The following GRID1 variants were observed in gnomAD, a reference collection of about 807,000 sequenced individuals.
GRID1 encodes glutamate receptor ionotropic, delta-1.
Under a neutral mutation model 98.0 loss-of-function variants are expected in GRID1, and 28 were observed. The observed-to-expected ratio is 0.29, with a 90% CI of 0.21 to 0.39. GRID1 has a LOEUF of 0.39. GRID1 is among the 10% of genes least tolerant of loss of function. The pLI is 1.00. For synonymous variants in GRID1, 553 were observed against 538.5 expected (o/e 1.03, Z -0.37); for missense variants, 1,111 against 1,340.5 (o/e 0.83, Z 2.67).
chr10:85,761,777 G>A (rs1564582298), intron 8 of GRID1, among the ~76,000 whole-genome samples: 1 of 152,088 alleles, frequency 6.6e-6, no homozygotes, highest in Non-Finnish European at 1.5e-5. Context: ...TGGCCCCTCT[G>A]TCTGCCAGAC....
At chr10:85,825,889 T>C (rs1196038837) in intron 8 of GRID1, among the ~76,000 whole-genome samples, 1 of 151,670 alleles carries the variant, frequency 6.6e-6, no homozygotes, top group Non-Finnish European at 1.5e-5. Flanking sequence ...ATTTAAGTTA[T>C]GAAAGAGAAA....
intron 2 of GRID1, among the ~76,000 whole-genome samples, chr10:86,235,028 T>C (rs1846516023): frequency 6.6e-6 from 1 of 152,188 alleles, no homozygotes; most frequent in Non-Finnish European, 1.5e-5. Context: ...AGATAGACTT[T>C]TTCCCAAAGA....
intron 12 of GRID1, among the ~76,000 whole-genome samples, chr10:85,677,330 A>G (rs1841155905): frequency 6.6e-6 from 1 of 152,208 alleles, no homozygotes; most frequent in African/African-American, 2.4e-5. Context: ...GTGGCCAGCA[A>G]GCAGTGGGAA....
At chr10:85,855,251 C>T (rs1331498886) in intron 7 of GRID1, among the ~76,000 whole-genome samples, 1 of 152,238 alleles carries the variant, frequency 6.6e-6, no homozygotes, top group Non-Finnish European at 1.5e-5. Flanking sequence ...CTGTGGTCTC[C>T]ATGCCTCTCT....
chr10:85,634,232 A>G (rs1843007488), intron 13 of GRID1, among the ~76,000 whole-genome samples: 1 of 125,926 alleles, frequency 7.9e-6, no homozygotes, highest in African/African-American at 2.9e-5. Context: ...GAATTCCTGC[A>G]CAGCCCTGAT....
intron 2 of GRID1, among the ~76,000 whole-genome samples, chr10:86,346,813 G>A (rs936819209): frequency 3.3e-5 from 5 of 152,182 alleles, no homozygotes; most frequent in African/African-American, 9.7e-5. Flanking sequence ...GAGCTCTCAG[G>A]GTTCCCCACA....
chr10:85,972,341 G>A (rs541805706), intron 4 of GRID1, among the ~76,000 whole-genome samples: 56 of 150,852 alleles, frequency 3.7e-4, no homozygotes, highest in African/African-American at 1.2e-3. Flanking sequence ...CAACCCTAAT[G>A]GAAATCAAAG....
intron 4 of GRID1, among the ~76,000 whole-genome samples, chr10:85,981,003 G>A (rs947202217): frequency 4.6e-5 from 7 of 152,202 alleles, no homozygotes; most frequent in Non-Finnish European, 8.8e-5. Flanking sequence ...CCTCCCAGGT[G>A]AGCCGTAGCT....
chr10:86,263,676 G>A (rs1192625485), intron 2 of GRID1, among the ~76,000 whole-genome samples: 1 of 152,204 alleles, frequency 6.6e-6, no homozygotes, highest in African/African-American at 2.4e-5. Context: ...CCCTCGGGTT[G>A]TGAGAATTGA....
chr10:86,224,514 T>C (rs1306740365), intron 2 of GRID1, among the ~76,000 whole-genome samples: 1 of 152,134 alleles, frequency 6.6e-6, no homozygotes, highest in African/African-American at 2.4e-5. Context: ...CAGGTTCTCA[T>C]GGGGACTGGG....
chr10:86,150,152 G>A (rs1319589849), intron 3 of GRID1, among the ~76,000 whole-genome samples: 1 of 152,188 alleles, frequency 6.6e-6, no homozygotes, highest in Non-Finnish European at 1.5e-5. Context: ...AATTGGCATG[G>A]CATTTCCCCA....
chr10:86,138,955 A>G lies in GRID1; in HGVS notation c.590T>C (p.Val197Ala), dbSNP rs765591680. Residue 197 changes from valine (V) to alanine (A), a missense_variant, in exon 4 of 16, where the codon GTG (valine) becomes GCG (alanine). Val to Ala is a moderately conservative substitution (Grantham distance 64). Coordinates refer to ENST00000327946, the MANE Select transcript of GRID1 (RefSeq NM_017551.3). ...RLGLDVSLQKVDKNISHVFTS... is the reference protein window; with the variant it reads ...RLGLDVSLQKADKNISHVFTS... ...GAATACGTGGCTAATGTTCTTGTCC[A>G]CCTTTTGTAAAGAGACGTCAAGGCC... The G allele has an allele frequency of 6.2e-7, 1 of 1,614,072 alleles. No individual in the cohort carries two copies. The highest frequency in any genetic ancestry group is 1.1e-5 in the South Asian group (1 of 91,084).
At chr10:85,794,778 C>A (rs1427909985) in intron 8 of GRID1, among the ~76,000 whole-genome samples, 2 of 152,208 alleles carry the variant, frequency 1.3e-5, no homozygotes, top group East Asian at 3.9e-4. Flanking sequence ...TAAGACCCTG[C>A]ATTTGCCTCC....
At chr10:85,617,800 C>A (rs1842809432) in intron 14 of GRID1, among the ~76,000 whole-genome samples, 1 of 152,218 alleles carries the variant, frequency 6.6e-6, no homozygotes, top group Non-Finnish European at 1.5e-5. Context: ...GTCAGGAGAG[C>A]AACCCATGGG....
At chr10:85,850,215 C>A (rs193070430) in intron 8 of GRID1, among the ~76,000 whole-genome samples, 1 of 152,322 alleles carries the variant, frequency 6.6e-6, no homozygotes, top group Admixed American at 6.5e-5. Flanking sequence ...GAATGAGTTG[C>A]CTACACCAGT....
chr10:86,271,915 C>G (rs1847191563), intron 2 of GRID1, among the ~76,000 whole-genome samples: 1 of 151,920 alleles, frequency 6.6e-6, no homozygotes, highest in Non-Finnish European at 1.5e-5. Flanking sequence ...CATAAATGCA[C>G]AGATGCAAAA....
At chr10:86,246,981 T>C (rs1395486223) in intron 2 of GRID1, among the ~76,000 whole-genome samples, 1 of 152,266 alleles carries the variant, frequency 6.6e-6, no homozygotes, top group African/African-American at 2.4e-5. Context: ...CCTCTGCACA[T>C]TGCTTATCCA....
intron 4 of GRID1, among the ~76,000 whole-genome samples, chr10:85,968,899 C>T (rs531507342): frequency 2.3e-4 from 35 of 152,120 alleles, no homozygotes; most frequent in Middle Eastern, 3.4e-3. Flanking sequence ...GAAGGCAGAA[C>T]GACAGAGTGA....
In GRID1 at chr10:85,916,765, T is replaced by C. The variant is rs1431772066; in HGVS notation, c.727-526A>G. 4.6e-5 allele frequency among the ~76,000 whole-genome samples: 7 copies of C among 152,254 alleles called. No homozygotes were observed. The highest frequency in any genetic ancestry group is 1.4e-4 in the African/African-American group (6 of 41,472). On this transcript the variant is annotated intron_variant, in intron 4 of 15. Coordinates refer to ENST00000327946, the MANE Select transcript of GRID1 (RefSeq NM_017551.3). The surrounding 1 kb of genome is among the most constrained non-coding windows in gnomAD (Gnocchi z 4.0). ...ATAGAACAAAGCTCTTTGTAGCTCC[T>C]GGGCCGTAGCCCCATCCCGTAACTC...
Sources: allele counts gnomAD v4.1 joint callset (sites outside exome capture counted in the v4.1 genomes callset), GRCh38; gene constraint gnomAD v4.1.1; non-coding constraint Gnocchi (gnomAD v3.1); transcripts MANE v1.5; gene names NCBI Gene and HGNC (gene_info 2026-07-23, HGNC 2026-07-21).